Variants in ZNF718 observed in about 807,000 individuals in gnomAD.
ZNF718 encodes the protein zinc finger protein 718.
A neutral mutation model predicts 2.6 loss-of-function variants in ZNF718; 3 were observed. That is an observed-to-expected ratio of 1.16 (90% CI 0.53 to 3.01). The LOEUF (loss-of-function observed/expected upper bound fraction) is 3.01, where lower values mean the gene tolerates loss of function less well. ZNF718 is among the 30% of genes most tolerant of loss of function. The pLI is 0.03. For missense variants in ZNF718, 468 were observed against 230.0 expected, an observed-to-expected ratio of 2.03 and a Z score of -6.69; for synonymous variants, 135 against 77.9, an observed-to-expected ratio of 1.73 and a Z score of -3.86.
chr4:197,425 G>A (rs1432485058), intron 3 of ZNF718, among the ~76,000 whole-genome samples: 6 of 152,096 alleles, frequency 3.9e-5, no homozygotes, highest in African/African-American at 1.2e-4. Context: ...TGCTTTTCCT[G>A]TCACTAAATC....
chr4:157,532 G>A (rs189187527), intron 3 of ZNF718, among the ~76,000 whole-genome samples: 1 of 152,246 alleles, frequency 6.6e-6, no homozygotes, highest in East Asian at 1.9e-4. Context: ...GACAGGGATT[G>A]CATTTAATCT....
chr4:124,923 T>C (rs782034596), intron 1 of ZNF718: 39 of 443,014 alleles, frequency 8.8e-5, no homozygotes, highest in Non-Finnish European at 1.5e-4. Flanking sequence ...TAGGAGCTCA[T>C]CCGGAAGACA....
Position 164,062 on chromosome 4 carries a change from A to T in ZNF718, c.*1940A>T, listed in dbSNP as rs986865202. On this transcript the variant is annotated 3_prime_UTR_variant, in exon 4 of 4. Coordinates refer to ENST00000510175, the MANE Select transcript of ZNF718 (RefSeq NM_001039127.6). ...TAAATGTACAATTAAATTATTTTTT[A>T]TTACAGGTAATTTTATGATTGTATT... The T allele has an allele frequency of 1.1e-4, 16 of 152,016 alleles. No individual in the cohort carries two copies. Among genetic ancestry groups the T allele is most frequent in the Non-Finnish European group, 1.5e-4 (10 of 67,934 alleles). The allele number at this position is 152,016 out of a possible 1,614,324, so 9.4% of individuals were successfully genotyped here. A position where few individuals can be genotyped will look rare whatever the true frequency, so the allele number is the denominator to read the frequency against.
At chr4:135,732 T>TTATATATATATATATATATA (rs1303050207) in intron 3 of ZNF718, among the ~76,000 whole-genome samples, 1,565 of 77,528 alleles carry the variant, frequency 0.02, 109 homozygotes, top group African/African-American at 0.043. Context: ...TACTCTAGAG[T>TTATATATATATATATATATA]TATATATATG....
chr4:135,337 G>A (rs371371066), intron 3 of ZNF718, among the ~76,000 whole-genome samples: 70 of 151,952 alleles, frequency 4.6e-4, no homozygotes, highest in African/African-American at 1.6e-3. Context: ...AAGGTGGTTT[G>A]GGCACAGCTT....
At chr4:196,149 A>G (rs1209167874) in intron 3 of ZNF718, among the ~76,000 whole-genome samples, 11 of 152,154 alleles carry the variant, frequency 7.2e-5, no homozygotes, top group Admixed American at 6.5e-4. Flanking sequence ...TATCACTTCT[A>G]AGGCCCTGGC....
chr4:165,486 T>G (rs1219915851), downstream of ZNF718, among the ~76,000 whole-genome samples: 1 of 152,178 alleles, frequency 6.6e-6, no homozygotes, highest in East Asian at 1.9e-4. Context: ...TGAAATCTCT[T>G]AGAAGAAAAT....
intron 3 of ZNF718, among the ~76,000 whole-genome samples, chr4:155,264 G>T (rs1221889048): frequency 6.6e-6 from 1 of 152,176 alleles, no homozygotes; most frequent in Non-Finnish European, 1.5e-5. Flanking sequence ...CCCCACTGGG[G>T]CACTGCCTAG....
At chr4:170,216 A>T (rs1235887250) in intron 3 of ZNF718, among the ~76,000 whole-genome samples, 1 of 152,130 alleles carries the variant, frequency 6.6e-6, no homozygotes, top group Non-Finnish European at 1.5e-5. Flanking sequence ...CCGAGAGATC[A>T]GCTGTTAGTC....
At chr4:159,993 G>T (rs1021001849) in intron 3 of ZNF718, among the ~76,000 whole-genome samples, 2 of 152,116 alleles carry the variant, frequency 1.3e-5, no homozygotes, top group Non-Finnish European at 2.9e-5. Flanking sequence ...CTAGAATTTT[G>T]TGTTTATTCT....
intron 3 of ZNF718, among the ~76,000 whole-genome samples, chr4:144,854 G>A (rs1370393107): frequency 6.6e-6 from 1 of 152,070 alleles, no homozygotes; most frequent in Non-Finnish European, 1.5e-5. Flanking sequence ...CCTGTATCTT[G>A]ACTAAATGTA....
At position 130,882 on chromosome 4, in the gene ZNF718, T is replaced by A; in HGVS notation, c.98T>A (p.Met33Lys). 1 of 371,078 alleles carries A rather than the reference T, an allele frequency of 2.7e-6. No homozygotes were observed. Among genetic ancestry groups the A allele is most frequent in the Non-Finnish European group, 4.8e-6 (1 of 207,322 alleles). 23.0% of individuals were successfully genotyped at this position (371,078 alleles called of 1,614,324 possible). A position where few individuals can be genotyped will look rare whatever the true frequency, so the allele number is the denominator to read the frequency against. ...CAGCAGAATTTATATAGAGATGTGATGTTGGAGAACTACAGAAACCTGGTC... is the reference window on the plus strand; with the variant it reads ...CAGCAGAATTTATATAGAGATGTGAAGTTGGAGAACTACAGAAACCTGGTC... ...TSQQNLYRDV[M>K]LENYRNLVSL... Residue 33 changes from methionine (M) to lysine (K), a missense_variant, in exon 2 of 4, where the codon ATG (methionine) becomes AAG (lysine). Physicochemically the swap from Met to Lys is moderately conservative, Grantham distance 95. Transcript: ENST00000510175.
intron 3 of ZNF718, among the ~76,000 whole-genome samples, chr4:139,638 C>T (rs1298414911): frequency 6.6e-6 from 1 of 152,214 alleles, no homozygotes; most frequent in Non-Finnish European, 1.5e-5. Context: ...GCCTTCCTTG[C>T]TTTGTGCGTT....
Position 155,090 on chromosome 4 carries a change from G to A in ZNF718, c.227-5822G>A, listed in dbSNP as rs557387659. On this transcript the variant is annotated intron_variant, in intron 3 of 3. Coordinates refer to ENST00000510175, the MANE Select transcript of ZNF718 (RefSeq NM_001039127.6). ...GTTCCATGTGATCTTGAGCCTGCAG[G>A]TACACAGAAGTCAAAAGCGAGGTTT... Among the ~76,000 whole-genome samples the A allele has an allele frequency of 3.9e-5, 6 of 152,298 alleles. No homozygotes were observed. In the South Asian group the frequency reaches 1.2e-3, roughly 32 times the overall value.
At chr4:156,940 A>T (rs1283636372) in intron 3 of ZNF718, among the ~76,000 whole-genome samples, 2 of 152,036 alleles carry the variant, frequency 1.3e-5, no homozygotes, top group African/African-American at 4.8e-5. Flanking sequence ...TGTATATGAG[A>T]GTTTATGTTT....
chr4:196,878 A>G (rs1560134636), intron 3 of ZNF718, among the ~76,000 whole-genome samples: 1 of 151,784 alleles, frequency 6.6e-6, no homozygotes, highest in Non-Finnish European at 1.5e-5. Flanking sequence ...CTCCAATTCT[A>G]AGGAAGGATA....
chr4:164,381 C>G (rs1717037761), downstream of ZNF718, among the ~76,000 whole-genome samples: 1 of 151,942 alleles, frequency 6.6e-6, no homozygotes, highest in Non-Finnish European at 1.5e-5. Context: ...ATATAACTTA[C>G]TAGAAACATA....
chr4:184,847 C>T (rs1717536613), intron 3 of ZNF718, among the ~76,000 whole-genome samples: 1 of 152,080 alleles, frequency 6.6e-6, no homozygotes, highest in Non-Finnish European at 1.5e-5. Flanking sequence ...TCTGTGGAGT[C>T]AGTAGTAATA....
chr4:165,551 C>T (rs1553816633), downstream of ZNF718, among the ~76,000 whole-genome samples: 1 of 152,150 alleles, frequency 6.6e-6, no homozygotes, highest in African/African-American at 2.4e-5. Context: ...GTAATCCCAG[C>T]ACTCTGGGAA....
Sources: gnomAD v4.1 joint callset for allele counts (sites outside exome capture counted in the v4.1 genomes callset) on GRCh38, gnomAD v4.1.1 for gene constraint, MANE v1.5 for transcripts, NCBI Gene and HGNC (gene_info 2026-07-23, HGNC 2026-07-21) for gene names.